SNX9: variants seen among roughly 807,000 people sequenced by gnomAD.
SNX9 encodes sorting nexin 9.
SNX9 carries 44 observed loss-of-function variants against 89.4 expected under a neutral mutation model. The observed-to-expected ratio is 0.49, with a 90% confidence interval of 0.39 to 0.63. The LOEUF (loss-of-function observed/expected upper bound fraction) is 0.63. Ranked by LOEUF, SNX9 falls within the 30% of genes least tolerant of loss-of-function variation. SNX9 has a pLI of 0.00. For missense variants in SNX9, 578 were observed against 736.1 expected, an observed-to-expected ratio of 0.79 and a Z score of 2.49; for synonymous variants, 236 against 247.8, an observed-to-expected ratio of 0.95 and a Z score of 0.45.
intron 6 of SNX9, among the ~76,000 whole-genome samples, chr6:157,903,988 CACTTAA>C (rs1357601455): frequency 5.3e-5 from 8 of 152,242 alleles, no homozygotes; most frequent in East Asian, 1.9e-4. Flanking sequence ...ATAAATGAGT[CACTTAA>C]ACTTAAAACA....
chr6:157,884,760 T>C (rs1310256506), intron 4 of SNX9, among the ~76,000 whole-genome samples: 1 of 152,256 alleles, frequency 6.6e-6, no homozygotes, highest in South Asian at 2.1e-4. Flanking sequence ...GAGACAGCTT[T>C]GTTCATCTCA....
chr6:157,867,717 C>T lies in SNX9; in HGVS notation c.99+84C>T. ...CGGTAAGAGAACTGTACATTCGAGT[C>T]TGATTGTCCCATGTGGACTTATTTT... On this transcript the variant is annotated intron_variant, in intron 2 of 17. Coordinates refer to ENST00000392185, the MANE Select transcript of SNX9 (RefSeq NM_016224.5). 3.7e-6 allele frequency: 4 copies of T among 1,080,408 alleles called. No individual in the cohort carries two copies. In the South Asian group the frequency reaches 8.4e-5, roughly 23 times the overall value. 66.9% of individuals were successfully genotyped at this position (1,080,408 alleles called of 1,614,324 possible).
chr6:157,877,270 GAAAA>G (rs940442591), intron 4 of SNX9, among the ~76,000 whole-genome samples: 1 of 133,842 alleles, frequency 7.5e-6, no homozygotes, highest in African/African-American at 2.7e-5. Flanking sequence ...GGTAATAAAA[GAAAA>G]AAAAAGCGGG....
chr6:157,864,608 C>T lies in SNX9; in HGVS notation c.13-2939C>T, dbSNP rs530189670. Among the ~76,000 whole-genome samples, 71 of 152,256 alleles carry T rather than the reference C, an allele frequency of 4.7e-4. 1 individual carries two copies. Among genetic ancestry groups the T allele is most frequent in the African/African-American group, 1.7e-3 (70 of 41,536 alleles). On this transcript the variant is annotated intron_variant, in intron 1 of 17. Coordinates refer to ENST00000392185, the MANE Select transcript of SNX9 (RefSeq NM_016224.5). ...AACACAACAGCAGGTTCCTCATGCC[C>T]GTGAGTGTGGCTTTGCTTCTCCCAG...
At chr6:157,838,276 G>A (rs1226494725) in intron 1 of SNX9, among the ~76,000 whole-genome samples, 1 of 151,670 alleles carries the variant, frequency 6.6e-6, no homozygotes, top group East Asian at 1.9e-4. Flanking sequence ...GCCTCCCAAA[G>A]TGCTAGGGTT....
intron 4 of SNX9, chr6:157,885,222 T>C (rs1445205432): frequency 6.6e-6 from 1 of 152,248 alleles, no homozygotes; most frequent in Non-Finnish European, 1.5e-5. Flanking sequence ...TCACCTCTTT[T>C]GGTAATTCCC....
At chr6:157,900,096 T>C (rs1159693083) in intron 5 of SNX9, among the ~76,000 whole-genome samples, 3 of 152,166 alleles carry the variant, frequency 2.0e-5, no homozygotes, top group Non-Finnish European at 4.4e-5. Flanking sequence ...TAGTTCCCCG[T>C]CTCCCTGCCC....
intron 1 of SNX9, among the ~76,000 whole-genome samples, chr6:157,832,091 G>T (rs957823359): frequency 6.6e-6 from 1 of 152,094 alleles, no homozygotes; most frequent in Non-Finnish European, 1.5e-5. Flanking sequence ...TAATTTCTAG[G>T]CATTGTAAAT....
chr6:157,854,969 A>ACC (rs952305898), intron 1 of SNX9, among the ~76,000 whole-genome samples: 3 of 148,454 alleles, frequency 2.0e-5, no homozygotes, highest in East Asian at 3.9e-4. Context: ...AAAAAAAAAA[A>ACC]CCCCACAACA....
At position 157,888,486 on chromosome 6, in the gene SNX9, G is replaced by T. The variant is rs545511429; in HGVS notation, c.301-8341G>T. On this transcript the variant is annotated intron_variant, in intron 4 of 17. Transcript: ENST00000392185. ...ATGCTAGAGTTTTCTGGAGAATTTGGTCCTGCCATGAATGTGCTGGTTTTA... is the reference window on the plus strand; with the variant it reads ...ATGCTAGAGTTTTCTGGAGAATTTGTTCCTGCCATGAATGTGCTGGTTTTA... 1.4e-4 allele frequency among the ~76,000 whole-genome samples: 22 copies of T among 152,236 alleles called. No individual in the cohort carries two copies. In the South Asian group the frequency reaches 4.6e-3, roughly 32 times the overall value.
intron 1 of SNX9, among the ~76,000 whole-genome samples, chr6:157,825,828 C>G (rs1251468845): frequency 6.6e-6 from 1 of 152,194 alleles, no homozygotes; most frequent in Non-Finnish European, 1.5e-5. Context: ...CATATGCACA[C>G]TCCTTCCCCA....
At chr6:157,922,335 A>G (rs971779688) in intron 10 of SNX9, among the ~76,000 whole-genome samples, 11 of 152,184 alleles carry the variant, frequency 7.2e-5, no homozygotes, top group African/African-American at 2.7e-4. Flanking sequence ...TTCCTCCACA[A>G]TTTCTCTCAA....
chr6:157,832,231 T>G (rs1781491169), intron 1 of SNX9, among the ~76,000 whole-genome samples: 2 of 152,248 alleles, frequency 1.3e-5, no homozygotes, highest in Non-Finnish European at 2.9e-5. Context: ...TGATTGTTCA[T>G]TAAGTCAGAC....
At chr6:157,870,049 CGT>C (rs1196898226) in intron 2 of SNX9, among the ~76,000 whole-genome samples, 1 of 151,728 alleles carries the variant, frequency 6.6e-6, no homozygotes, top group Non-Finnish European at 1.5e-5. Flanking sequence ...AGCACTCACA[CGT>C]GTGAGCACGC....
rs1242966862 is a variant in SNX9 at position 157,901,941 on chromosome 6, C to T, written c.516C>T (p.Pro172=). The T allele has an allele frequency of 6.2e-7, 1 of 1,612,848 alleles. No individual in the cohort carries two copies. Among genetic ancestry groups the T allele is most frequent in the Non-Finnish European group, 8.5e-7 (1 of 1,179,626 alleles). ...ACTGGGATGAAGACTGGGATGGGCC[C>T]AAATCCTCTTCCTACTTTAAGGATT... ...DDDWDEDWDG[P]KSSSYFKDSE... is the part of the protein sequence containing the mutation. Residue 172 remains proline, a synonymous_variant, in exon 6 of 18, where the codon CCC becomes CCT. Transcript: ENST00000392185.
intron 4 of SNX9, among the ~76,000 whole-genome samples, chr6:157,886,767 G>C (rs547880394): frequency 6.6e-6 from 1 of 152,252 alleles, no homozygotes; most frequent in South Asian, 2.1e-4. Flanking sequence ...TTATTTTATA[G>C]CTACTACAAA....
chr6:157,843,022 A>G (rs1311991213), intron 1 of SNX9, among the ~76,000 whole-genome samples: 1 of 152,206 alleles, frequency 6.6e-6, no homozygotes, highest in African/African-American at 2.4e-5. Flanking sequence ...TCAGGAATGA[A>G]CAAGGACAGC....
intron 1 of SNX9, among the ~76,000 whole-genome samples, chr6:157,844,130 C>A (rs1781755263): frequency 6.6e-6 from 1 of 152,098 alleles, no homozygotes; most frequent in Non-Finnish European, 1.5e-5. Flanking sequence ...CCACCTCAGC[C>A]TCCCAGAATG....
At chr6:157,870,732 G>A (rs1217899413) in intron 2 of SNX9, among the ~76,000 whole-genome samples, 1 of 147,092 alleles carries the variant, frequency 6.8e-6, no homozygotes, top group Non-Finnish European at 1.5e-5. Flanking sequence ...GCACTCACCT[G>A]TGCAAGCATG....
Sources: allele counts gnomAD v4.1 joint callset (sites outside exome capture counted in the v4.1 genomes callset), GRCh38; gene constraint gnomAD v4.1.1; transcripts MANE v1.5; gene names NCBI Gene and HGNC (gene_info 2026-07-23, HGNC 2026-07-21).